TENM2: variants seen among roughly 807,000 people sequenced by gnomAD.
TENM2 encodes the protein teneurin-2.
In TENM2, 52 loss-of-function variants were observed where a neutral mutation model predicts 245.2. The observed-to-expected ratio is 0.21, with a 90% CI of 0.17 to 0.27. The LOEUF (loss-of-function observed/expected upper bound fraction) is 0.27. Ranked by LOEUF, TENM2 falls within the 10% of genes least tolerant of loss-of-function variation. The pLI is 1.00. For synonymous variants in TENM2, 1,363 were observed against 1,438.9 expected (o/e 0.95, Z 1.19); for missense variants, 3,046 against 3,666.8 (o/e 0.83, Z 4.37).
At chr5:167,821,799 T>A (rs1211719715) in intron 2 of TENM2, among the ~76,000 whole-genome samples, 2 of 152,154 alleles carry the variant, frequency 1.3e-5, no homozygotes, top group Non-Finnish European at 2.9e-5. Flanking sequence ...GAGTACGTTC[T>A]TGTCTGAGTT....
chr5:166,995,379 A>C, the TENM2 span, among the ~76,000 whole-genome samples: 1 of 151,744 alleles, frequency 6.6e-6, no homozygotes, highest in East Asian at 2.0e-4. Flanking sequence ...AGCTGGGACT[A>C]CAGGTGCCTG....
rs1482989086 is a variant in TENM2 at position 168,142,798 on chromosome 5, G to A, written c.2422+15832G>A. 3.9e-5 allele frequency among the ~76,000 whole-genome samples: 6 copies of A among 152,326 alleles called. No individual in the cohort carries two copies. The East Asian group carries it at 7.7e-4, about 20-fold the overall frequency. On this transcript the variant is annotated intron_variant, in intron 12 of 28. Transcript: ENST00000518659. ...TTGGATGGGCCAAACGTGGCACCTA[G>A]CAGCAAAACATACTATTCAGAAAAG... is the stretch of plus-strand genomic sequence containing the variant.
chr5:167,456,607 T>A (rs1186312170), intron 2 of TENM2, among the ~76,000 whole-genome samples: 2 of 152,220 alleles, frequency 1.3e-5, no homozygotes, highest in African/African-American at 2.4e-5. Context: ...TCAAAGAATT[T>A]ATCCACTAGG....
intron 2 of TENM2, among the ~76,000 whole-genome samples, chr5:167,604,381 G>T (rs1344435812): frequency 6.6e-6 from 1 of 152,186 alleles, no homozygotes; most frequent in African/African-American, 2.4e-5. Context: ...AAACGGGGCA[G>T]TGGGGCATTT....
chr5:167,550,420 A>G (rs1478139030), intron 2 of TENM2, among the ~76,000 whole-genome samples: 1 of 152,184 alleles, frequency 6.6e-6, no homozygotes, highest in East Asian at 1.9e-4. Flanking sequence ...TGTTCCACCA[A>G]GGAGTCAGAA....
At chr5:167,745,508 A>C (rs1485406038) in intron 2 of TENM2, among the ~76,000 whole-genome samples, 6 of 152,222 alleles carry the variant, frequency 3.9e-5, no homozygotes, top group Non-Finnish European at 7.3e-5. Flanking sequence ...TTTAAAAAAT[A>C]GCTTTTTGAA....
chr5:166,992,360 A>G, the TENM2 span, among the ~76,000 whole-genome samples: 3 of 152,194 alleles, frequency 2.0e-5, no homozygotes, highest in Non-Finnish European at 4.4e-5. Context: ...TGTCAGACTT[A>G]TGTAAGTGAG....
At chr5:167,416,707 T>TTGTTTC (rs1763186846) in intron 2 of TENM2, among the ~76,000 whole-genome samples, 2 of 152,074 alleles carry the variant, frequency 1.3e-5, no homozygotes, top group South Asian at 2.1e-4. Context: ...GTTTTTGTTT[T>TTGTTTC]GTTTTTTCAT....
intron 2 of TENM2, among the ~76,000 whole-genome samples, chr5:167,703,677 TGTACGGTAGAACCCAAGAA>T (rs1334569290): frequency 6.6e-6 from 1 of 152,204 alleles, no homozygotes; most frequent in African/African-American, 2.4e-5. Flanking sequence ...TTTCTGGAAA[TGTACGGTAGAACCCAAGAA>T]GTAGTATACT....
chr5:167,921,645 A>C (rs1179011327), intron 3 of TENM2, among the ~76,000 whole-genome samples: 2 of 152,208 alleles, frequency 1.3e-5, no homozygotes, highest in Non-Finnish European at 2.9e-5. Flanking sequence ...AAAACAAACT[A>C]TGATAGACGG....
the TENM2 span, among the ~76,000 whole-genome samples, chr5:167,246,298 T>C: frequency 2.0e-5 from 3 of 152,146 alleles, no homozygotes; most frequent in Non-Finnish European, 4.4e-5. Context: ...CGCATTTATG[T>C]ATGTGTATGT....
the TENM2 span, among the ~76,000 whole-genome samples, chr5:167,196,621 T>A: frequency 1.3e-5 from 2 of 151,390 alleles, no homozygotes; most frequent in East Asian, 3.9e-4. Context: ...TTCTGATCAA[T>A]ATACAGTCAT....
At chr5:167,737,688 G>A (rs761545036) in intron 2 of TENM2, among the ~76,000 whole-genome samples, 9 of 152,130 alleles carry the variant, frequency 5.9e-5, no homozygotes, top group African/African-American at 1.7e-4. Context: ...CTGCAGTCAC[G>A]GCTACAGGAA....
At chr5:167,284,771 A>G, upstream of TENM2, 4 of 1,232,376 alleles carry the variant, frequency 3.2e-6, no homozygotes, top group Non-Finnish European at 4.6e-6. Flanking sequence ...CAGGTGGCAA[A>G]GTGACAAGTG....
chr5:167,961,798 G>A (rs909459615), intron 4 of TENM2, among the ~76,000 whole-genome samples: 1 of 152,150 alleles, frequency 6.6e-6, no homozygotes, highest in African/African-American at 2.4e-5. Flanking sequence ...GAGCCATGTT[G>A]GATGAAACAC....
chr5:167,842,626 C>T (rs1583162775), intron 2 of TENM2, among the ~76,000 whole-genome samples: 1 of 151,218 alleles, frequency 6.6e-6, no homozygotes, highest in East Asian at 2.0e-4. Context: ...TTTTATCCCC[C>T]AGTTCCTCAG....
the TENM2 span, among the ~76,000 whole-genome samples, chr5:167,123,780 G>T: frequency 6.6e-6 from 1 of 152,086 alleles, no homozygotes; most frequent in Admixed American, 6.5e-5. Flanking sequence ...GTTTATACAG[G>T]TATATGCAGA....
the TENM2 span, among the ~76,000 whole-genome samples, chr5:167,074,820 CAATTT>C: frequency 6.6e-6 from 1 of 152,110 alleles, no homozygotes; most frequent in Non-Finnish European, 1.5e-5. Context: ...TACAGGCATT[CAATTT>C]AATAAGCAGT....
chr5:167,377,907 A>G (rs956288371), intron 2 of TENM2, among the ~76,000 whole-genome samples: 1 of 152,156 alleles, frequency 6.6e-6, no homozygotes, highest in Non-Finnish European at 1.5e-5. Flanking sequence ...GTCCTTCAGA[A>G]CCAAATCAAT....
Sources: allele counts gnomAD v4.1 joint callset (sites outside exome capture counted in the v4.1 genomes callset), GRCh38; gene constraint gnomAD v4.1.1; transcripts MANE v1.5; gene names NCBI Gene and HGNC (gene_info 2026-07-23, HGNC 2026-07-21).